PLCZ1: variants seen among roughly 807,000 people sequenced by gnomAD.
The protein encoded by PLCZ1 is 1-phosphatidylinositol 4,5-bisphosphate phosphodiesterase zeta-1.
Under a neutral mutation model 76.8 loss-of-function variants are expected in PLCZ1, and 64 were observed. The ratio of observed to expected loss-of-function variants is 0.83; its 90% confidence interval spans 0.68 to 1.03. PLCZ1 has a LOEUF of 1.03. Ranked by LOEUF, PLCZ1 falls within the 50% of genes least tolerant of loss-of-function variation. The pLI is 0.00. For synonymous variants in PLCZ1, 248 were observed against 230.8 expected (o/e 1.07, Z -0.68); for missense variants, 751 against 713.7 (o/e 1.05, Z -0.60).
chr12:18,692,963 A>G, intron 12 of PLCZ1: 1 of 1,462,130 alleles, frequency 6.8e-7, no homozygotes, highest in Non-Finnish European at 9.6e-7. Flanking sequence ...AGTTAAAATT[A>G]CTGAAGTTAG....
intron 10 of PLCZ1, among the ~76,000 whole-genome samples, chr12:18,698,500 G>A (rs1345685442): frequency 6.6e-6 from 1 of 152,088 alleles, no homozygotes; most frequent in Non-Finnish European, 1.5e-5. Context: ...GGGTATCTAT[G>A]ACCAGCCCAA....
At chr12:18,658,569 T>C in the PLCZ1 span, among the ~76,000 whole-genome samples, 2 of 152,152 alleles carry the variant, frequency 1.3e-5, no homozygotes, top group East Asian at 3.8e-4. Flanking sequence ...AAGAGATCTA[T>C]ATTTGATAAA....
intron 3 of PLCZ1, chr12:18,731,116 G>A (rs1416842933): frequency 1.3e-5 from 2 of 151,938 alleles, no homozygotes; most frequent in African/African-American, 2.4e-5. Context: ...GTAAACTTGA[G>A]GGCTAAATGT....
chr12:18,650,331 C>CTATATATATATATATA, the PLCZ1 span, among the ~76,000 whole-genome samples: 1 of 91,984 alleles, frequency 1.1e-5, no homozygotes. Context: ...CTCTCTCTCT[C>CTATATATATATATATA]TATATATATA....
chr12:18,732,389 C>T (rs1959101951), intron 3 of PLCZ1, among the ~76,000 whole-genome samples: 2 of 152,114 alleles, frequency 1.3e-5, no homozygotes, highest in African/African-American at 2.4e-5. Flanking sequence ...TGAGCTCAGG[C>T]GATCTGCCCA....
At chr12:18,677,940 G>T in the PLCZ1 span, among the ~76,000 whole-genome samples, 3 of 152,056 alleles carry the variant, frequency 2.0e-5, no homozygotes, top group Non-Finnish European at 4.4e-5. Flanking sequence ...TGGTGTGTTT[G>T]TGTGTGTGGA....
chr12:18,728,034 A>G (rs1958850943), intron 3 of PLCZ1, among the ~76,000 whole-genome samples: 1 of 152,196 alleles, frequency 6.6e-6, no homozygotes, highest in South Asian at 2.1e-4. Flanking sequence ...ATCACCAAGC[A>G]AAGAAATAAA....
the PLCZ1 span, among the ~76,000 whole-genome samples, chr12:18,664,690 A>C: frequency 2.0e-5 from 3 of 152,006 alleles, no homozygotes; most frequent in East Asian, 1.9e-4. Context: ...TCATGCTGCT[A>C]TAAAGACACA....
At chr12:18,671,072 G>C in the PLCZ1 span, among the ~76,000 whole-genome samples, 1 of 151,776 alleles carries the variant, frequency 6.6e-6, no homozygotes, top group Non-Finnish European at 1.5e-5. Flanking sequence ...AGCTACTCAG[G>C]AGGCTGAGGC....
intron 12 of PLCZ1, chr12:18,693,613 G>A (rs531365993): frequency 7.3e-5 from 115 of 1,569,620 alleles, no homozygotes; most frequent in South Asian, 1.2e-4. Context: ...AACGTGCACC[G>A]TCCATTGTGT....
chr12:18,700,079 C>T (rs942899261), intron 9 of PLCZ1, 129 bp from the exon 10 acceptor site: 8 of 749,024 alleles, frequency 1.1e-5, no homozygotes, highest in Non-Finnish European at 1.8e-5. Flanking sequence ...CCTCAAACAC[C>T]ATTTGATTAA....
chr12:18,656,753 C>G, the PLCZ1 span, among the ~76,000 whole-genome samples: 1 of 50,352 alleles, frequency 2.0e-5, no homozygotes, highest in Admixed American at 2.2e-4. Context: ...GCAACAACAA[C>G]GACAACAACA....
At chr12:18,713,918 A>C (rs1004825585) in intron 5 of PLCZ1, 1 of 152,208 alleles carries the variant, frequency 6.6e-6, no homozygotes, top group African/African-American at 2.4e-5. Context: ...ATTAATTTTC[A>C]GTGTTCATAC....
At chr12:18,686,355 T>C (rs1953152579) in intron 13 of PLCZ1, among the ~76,000 whole-genome samples, 1 of 152,102 alleles carries the variant, frequency 6.6e-6, no homozygotes, top group African/African-American at 2.4e-5. Context: ...CCTGACACCT[T>C]AGCATGGCTT....
intron 14 of PLCZ1, among the ~76,000 whole-genome samples, chr12:18,683,914 T>C (rs947994232): frequency 1.1e-4 from 16 of 151,992 alleles, no homozygotes; most frequent in African/African-American, 3.9e-4. Context: ...GCCAAGTTTG[T>C]CTAATTAGCC....
At chr12:18,652,476 T>C in the PLCZ1 span, among the ~76,000 whole-genome samples, 1 of 152,268 alleles carries the variant, frequency 6.6e-6, no homozygotes, top group South Asian at 2.1e-4. Context: ...CCATTGATCT[T>C]GGACTTACAG....
chr12:18,710,428 G>T (rs1476248822), intron 6 of PLCZ1, among the ~76,000 whole-genome samples: 1 of 151,978 alleles, frequency 6.6e-6, no homozygotes, highest in Non-Finnish European at 1.5e-5. Flanking sequence ...GGATGGAGTA[G>T]CAGGAGAGTT....
intron 5 of PLCZ1, chr12:18,714,791 G>T (rs961905460): frequency 1.4e-4 from 21 of 152,004 alleles, no homozygotes; most frequent in Non-Finnish European, 1.5e-4. Context: ...AGCAGGTAAC[G>T]GTCACAATGC....
At chr12:18,679,285 C>A (rs1005692254), downstream of PLCZ1, among the ~76,000 whole-genome samples, 21 of 151,494 alleles carry the variant, frequency 1.4e-4, no homozygotes, top group African/African-American at 5.1e-4. Context: ...GGCAGAAGTT[C>A]TTTTTAAAAA....
Sources: gnomAD v4.1 joint callset for allele counts (sites outside exome capture counted in the v4.1 genomes callset) on GRCh38, gnomAD v4.1.1 for gene constraint, MANE v1.5 for transcripts, NCBI Gene and HGNC (gene_info 2026-07-23, HGNC 2026-07-21) for gene names.